ALK: variants seen among roughly 807,000 people sequenced by gnomAD.
ALK encodes ALK receptor tyrosine kinase.
In ALK, 74 loss-of-function variants were observed where a neutral mutation model predicts 163.1. The ratio of observed to expected loss-of-function variants is 0.45; its 90% CI spans 0.38 to 0.55. ALK has a LOEUF of 0.55. Ranked by LOEUF, ALK falls within the 20% of genes least tolerant of loss-of-function variation. ALK has a pLI of 0.00. For missense variants in ALK, 2,063 were observed against 2,105.3 expected (o/e 0.98, Z 0.39); for synonymous variants, 960 against 843.2 (o/e 1.14, Z -2.40).
Position 29,757,478 on chromosome 2 carries a change from G to C in ALK, c.668-39781C>G, listed in dbSNP as rs188764066. On this transcript the variant is annotated intron_variant, in intron 1 of 28. Transcript: ENST00000389048. ...CCACCCTTTCATGTCCTGTAAGGAAGGTTACCAAGTAAAATACAAAATGTC... is the reference window on the plus strand; with the variant it reads ...CCACCCTTTCATGTCCTGTAAGGAACGTTACCAAGTAAAATACAAAATGTC... 1.4e-3 allele frequency among the ~76,000 whole-genome samples: 218 copies of C among 152,256 alleles called. 1 individual carries two copies. The highest frequency in any genetic ancestry group is 4.5e-3 in the African/African-American group (188 of 41,536).
At chr2:29,361,183 A>G (rs1457865974) in intron 5 of ALK, among the ~76,000 whole-genome samples, 1 of 152,242 alleles carries the variant, frequency 6.6e-6, no homozygotes, top group Non-Finnish European at 1.5e-5. Flanking sequence ...TGCTATTAGG[A>G]GTGGTGACAG....
At chr2:29,815,427 A>G (rs1664872509) in intron 1 of ALK, among the ~76,000 whole-genome samples, 1 of 152,120 alleles carries the variant, frequency 6.6e-6, no homozygotes, top group Non-Finnish European at 1.5e-5. Flanking sequence ...TATGTTTAAT[A>G]TAAAGAGTTC....
intron 4 of ALK, among the ~76,000 whole-genome samples, chr2:29,452,418 T>G (rs1670846068): frequency 6.6e-6 from 1 of 151,932 alleles, no homozygotes; most frequent in South Asian, 2.1e-4. Context: ...CCCTCTAAAG[T>G]AGACCTCTTT....
rs528448087 is a variant in ALK, at chr2:29,916,817, C to T, written c.667+3176G>A. On this transcript the variant is annotated intron_variant, in intron 1 of 28. Transcript: ENST00000389048. ...CTGTAAGCCAGGATACAAACTGGAG[C>T]TGTGGGCAACATGCCAGCCTTGCAG... is the stretch of plus-strand genomic sequence containing the variant. Among the ~76,000 whole-genome samples, 12 of 152,282 alleles carry T rather than the reference C, an allele frequency of 7.9e-5. No individual in the cohort carries two copies. In the South Asian group the frequency reaches 2.1e-3, roughly 26 times the overall value.
chr2:29,750,643 GGAAGGAA>G (rs1680332164), intron 1 of ALK, among the ~76,000 whole-genome samples: 3 of 62,182 alleles, frequency 4.8e-5, no homozygotes, highest in African/African-American at 3.2e-4. Context: ...AAGGAAGGAA[GGAAGGAA>G]GGAAGGAAGG....
intron 1 of ALK, among the ~76,000 whole-genome samples, chr2:29,825,410 A>G (rs771624832): frequency 5.3e-5 from 8 of 152,200 alleles, no homozygotes; most frequent in Non-Finnish European, 2.9e-5. Flanking sequence ...TGAATTTACA[A>G]TCAAGGAAGG....
chr2:29,590,265 GA>G (rs1414330446), intron 3 of ALK, among the ~76,000 whole-genome samples: 4 of 152,182 alleles, frequency 2.6e-5, no homozygotes, highest in African/African-American at 9.7e-5. Context: ...TTAATTGATT[GA>G]AAACGGGTCA....
chr2:29,230,717 G>C (rs1664175236), intron 15 of ALK, among the ~76,000 whole-genome samples: 1 of 152,154 alleles, frequency 6.6e-6, no homozygotes, highest in African/African-American at 2.4e-5. Flanking sequence ...AGGGGTGGGT[G>C]TTGAGCTTGG....
chr2:29,432,301 C>T (rs889925109), intron 4 of ALK, among the ~76,000 whole-genome samples: 2 of 152,024 alleles, frequency 1.3e-5, no homozygotes, highest in Admixed American at 1.3e-4. Flanking sequence ...TATTAGTTCC[C>T]ATGAGATCTG....
At chr2:29,720,351 C>T (rs982329516) in intron 1 of ALK, among the ~76,000 whole-genome samples, 18 of 152,020 alleles carry the variant, frequency 1.2e-4, no homozygotes, top group African/African-American at 4.4e-4. Flanking sequence ...CAATAACTTG[C>T]CAGGCATCCA....
intron 8 of ALK, among the ~76,000 whole-genome samples, chr2:29,305,162 C>T (rs1056038851): frequency 6.6e-6 from 1 of 152,222 alleles, no homozygotes; most frequent in African/African-American, 2.4e-5. Context: ...TTCTTAATAA[C>T]TTACAAATGG....
intron 1 of ALK, among the ~76,000 whole-genome samples, chr2:29,773,072 C>T (rs1473064321): frequency 6.6e-6 from 1 of 152,180 alleles, no homozygotes; most frequent in Non-Finnish European, 1.5e-5. Context: ...GAACTATACT[C>T]ATTTGTTAAT....
intron 26 of ALK, among the ~76,000 whole-genome samples, chr2:29,202,413 CAG>C (rs943431431): frequency 1.3e-5 from 2 of 152,226 alleles, no homozygotes; most frequent in Admixed American, 6.5e-5. Flanking sequence ...TAAAAAGGAA[CAG>C]AGTTATCTAT....
At chr2:29,613,154 G>A (rs914546723) in intron 3 of ALK, among the ~76,000 whole-genome samples, 1 of 152,122 alleles carries the variant, frequency 6.6e-6, no homozygotes, top group African/African-American at 2.4e-5. Context: ...TCATGATTGT[G>A]GTCATTGGTA....
intron 1 of ALK, among the ~76,000 whole-genome samples, chr2:29,772,971 C>T (rs939688911): frequency 5.3e-5 from 8 of 152,148 alleles, no homozygotes; most frequent in South Asian, 2.1e-4. Flanking sequence ...ATTTGTGGAA[C>T]GACGTGCTGG....
rs138857692 is a variant in ALK, at chr2:29,303,046, C to T, written c.1648-5989G>A. Among the ~76,000 whole-genome samples the T allele has an allele frequency of 7.7e-3, 1,166 of 152,158 alleles. 7 individuals carry two copies. The highest frequency in any genetic ancestry group is 0.011 in the Non-Finnish European group (715 of 68,006). Reference sequence around the variant, plus strand: ...TGGGGACCTAACTAAAGAGCTTCTGCACAACAAAAGAAACTATAAACAGAG... The same window carrying T: ...TGGGGACCTAACTAAAGAGCTTCTGTACAACAAAAGAAACTATAAACAGAG... On this transcript the variant is annotated intron_variant, in intron 8 of 28. Transcript: ENST00000389048.
chr2:29,879,246 G>A (rs1666797326), intron 1 of ALK, among the ~76,000 whole-genome samples: 1 of 152,166 alleles, frequency 6.6e-6, no homozygotes, highest in Middle Eastern at 3.2e-3. Context: ...AAAGAATTTG[G>A]CTTGGAAAAC....
At chr2:29,389,249 GGTGA>G (rs1669105597) in intron 4 of ALK, among the ~76,000 whole-genome samples, 1 of 152,174 alleles carries the variant, frequency 6.6e-6, no homozygotes, top group Admixed American at 6.5e-5. Context: ...GCATACGAGA[GGTGA>G]GTGAGAGGTG....
At chr2:29,576,870 G>C (rs144561773) in intron 3 of ALK, among the ~76,000 whole-genome samples, 16 of 151,984 alleles carry the variant, frequency 1.1e-4, no homozygotes, top group Non-Finnish European at 1.8e-4. Context: ...ACCACCCCCA[G>C]ATGGGACCAT....
Sources: gnomAD v4.1 joint callset for allele counts (sites outside exome capture counted in the v4.1 genomes callset) on GRCh38, gnomAD v4.1.1 for gene constraint, MANE v1.5 for transcripts, NCBI Gene and HGNC (gene_info 2026-07-23, HGNC 2026-07-21) for gene names.